AKR1C8: variants seen among roughly 807,000 people sequenced by gnomAD.
The protein encoded by AKR1C8 is aldo-keto reductase family 1 member C8.
chr10:5,142,870 A>T, the AKR1C8 span, among the ~76,000 whole-genome samples: 5 of 152,266 alleles, frequency 3.3e-5, no homozygotes, highest in East Asian at 5.8e-4. Flanking sequence ...AAATGGTACT[A>T]ACAGGCTTGT....
chr10:5,174,116 T>A, the AKR1C8 span, among the ~76,000 whole-genome samples: 91 of 152,062 alleles, frequency 6.0e-4, no homozygotes, highest in African/African-American at 2.1e-3. Context: ...CTATACCTAT[T>A]TATTAGGCCC....
chr10:5,117,144 T>A, the AKR1C8 span, among the ~76,000 whole-genome samples: 147 of 138,556 alleles, frequency 1.1e-3, no homozygotes, highest in African/African-American at 3.9e-3. Flanking sequence ...TTTTTTTTTT[T>A]AAACAGGAAA....
chr10:5,165,378 A>G, the AKR1C8 span, among the ~76,000 whole-genome samples: 4 of 152,100 alleles, frequency 2.6e-5, no homozygotes, highest in Non-Finnish European at 5.9e-5. Flanking sequence ...CAGACCCTAC[A>G]ACACCTCCTA....
chr10:5,121,787 G>A, the AKR1C8 span, among the ~76,000 whole-genome samples: 2 of 152,118 alleles, frequency 1.3e-5, no homozygotes, highest in Admixed American at 1.3e-4. Context: ...ACAGCCCTGT[G>A]CCTTCTAGTC....
chr10:5,144,053 T>C, the AKR1C8 span, among the ~76,000 whole-genome samples: 9 of 152,100 alleles, frequency 5.9e-5, no homozygotes, highest in South Asian at 6.2e-4. Context: ...TACTTTTGAA[T>C]AGTTATGGAA....
chr10:5,131,934 TAA>T, the AKR1C8 span, among the ~76,000 whole-genome samples: 5 of 152,230 alleles, frequency 3.3e-5, no homozygotes, highest in South Asian at 1.0e-3. Flanking sequence ...AAAACCAACC[TAA>T]GAGTCCGTTG....
the AKR1C8 span, among the ~76,000 whole-genome samples, chr10:5,125,814 C>A: frequency 6.6e-5 from 10 of 152,194 alleles, no homozygotes; most frequent in Non-Finnish European, 1.3e-4. Context: ...GACATGAAGA[C>A]AGGTCACATC....
the AKR1C8 span, among the ~76,000 whole-genome samples, chr10:5,179,662 G>T: frequency 1.2e-4 from 2 of 17,170 alleles, no homozygotes; most frequent in Admixed American, 7.1e-4. Flanking sequence ...ATATTTCTTG[G>T]AGGCTTTGTT....
the AKR1C8 span, among the ~76,000 whole-genome samples, chr10:5,129,167 G>T: frequency 6.6e-6 from 1 of 152,012 alleles, no homozygotes; most frequent in Non-Finnish European, 1.5e-5. Flanking sequence ...TAAATAATCT[G>T]CTCTTGAATG....
the AKR1C8 span, chr10:5,155,702 C>T: frequency 1.3e-5 from 6 of 474,988 alleles, no homozygotes. Flanking sequence ...TCGGAGATTT[C>T]TGTTGAGGCC....
the AKR1C8 span, among the ~76,000 whole-genome samples, chr10:5,132,149 T>G: frequency 2.0e-5 from 3 of 151,758 alleles, no homozygotes; most frequent in Admixed American, 6.6e-5. Flanking sequence ...GACATACAGA[T>G]GATATAATGG....
the AKR1C8 span, among the ~76,000 whole-genome samples, chr10:5,160,359 G>C: frequency 7.2e-5 from 11 of 151,730 alleles, no homozygotes; most frequent in Non-Finnish European, 1.6e-4. Flanking sequence ...AGGGTTTTCT[G>C]CTACCTCTGT....
the AKR1C8 span, among the ~76,000 whole-genome samples, chr10:5,139,642 A>T: frequency 6.6e-6 from 1 of 152,308 alleles, no homozygotes; most frequent in Non-Finnish European, 1.5e-5. Flanking sequence ...TCTTGTACAA[A>T]AATTAATTCA....
At chr10:5,181,791 G>C in the AKR1C8 span, among the ~76,000 whole-genome samples, 1 of 152,022 alleles carries the variant, frequency 6.6e-6, no homozygotes, top group African/African-American at 2.4e-5. Context: ...CATATTCTTA[G>C]CTACAACTAC....
chr10:5,149,860 G>A, the AKR1C8 span, among the ~76,000 whole-genome samples: 1 of 151,628 alleles, frequency 6.6e-6, no homozygotes, highest in Non-Finnish European at 1.5e-5. Context: ...GAAGAATTAG[G>A]CGAAGAGAAA....
At chr10:5,162,001 A>G in the AKR1C8 span, 8 of 526,718 alleles carry the variant, frequency 1.5e-5, no homozygotes, top group South Asian at 1.1e-4. Flanking sequence ...ACAAAAATGG[A>G]TTATAATTTC....
At chr10:5,116,377 C>A in the AKR1C8 span, among the ~76,000 whole-genome samples, 2 of 152,188 alleles carry the variant, frequency 1.3e-5, no homozygotes, top group Admixed American at 6.5e-5. Flanking sequence ...GGTGAAGTCA[C>A]GGGAATAGGA....
chr10:5,119,192 T>C, the AKR1C8 span, among the ~76,000 whole-genome samples: 1 of 152,196 alleles, frequency 6.6e-6, no homozygotes, highest in Non-Finnish European at 1.5e-5. Flanking sequence ...GAATATTCAA[T>C]AAAGTTTTGC....
At chr10:5,159,046 G>C in the AKR1C8 span, among the ~76,000 whole-genome samples, 1 of 152,270 alleles carries the variant, frequency 6.6e-6, no homozygotes, top group South Asian at 2.1e-4. Flanking sequence ...GTTTCCATTT[G>C]AGCCTAGAAG....
Sources: gnomAD v4.1 joint callset for allele counts (sites outside exome capture counted in the v4.1 genomes callset) on GRCh38, gnomAD v4.1.1 for gene constraint, MANE v1.5 for transcripts, NCBI Gene and HGNC (gene_info 2026-07-23, HGNC 2026-07-21) for gene names.